The following NF1 variants were observed in gnomAD, a reference collection of about 807,000 sequenced individuals.
The protein encoded by NF1 is neurofibromin 1.
In NF1, 122 loss-of-function variants were observed where a neutral mutation model predicts 325.7. The ratio of observed to expected loss-of-function variants is 0.37; its 90% CI spans 0.32 to 0.44. The LOEUF (loss-of-function observed/expected upper bound fraction) is 0.44. Among genes scored for constraint, NF1 ranks in the 20% least tolerant of loss-of-function variants. NF1 has a pLI of 1.00. For synonymous variants in NF1, 1,091 were observed against 1,186.0 expected, an observed-to-expected ratio of 0.92 and a Z score of 1.65; for missense variants, 2,140 against 3,415.4, an observed-to-expected ratio of 0.63 and a Z score of 9.31.
rs1199539169 is a variant in NF1, at chr17:31,340,493, C to T, written c.6922-12C>T. The T allele has an allele frequency of 1.9e-6, 3 of 1,614,154 alleles. No individual in the cohort carries two copies. The highest frequency in any genetic ancestry group is 4.5e-5 in the East Asian group (2 of 44,884). On this transcript the variant is annotated splice_polypyrimidine_tract_variant and intron_variant, in intron 46 of 57. Transcript: ENST00000358273. ...TTCATCTTACTAGCCTCAAACATAT[C>T]TTCTTTGCCAGGACTCGCCTCTGCA...
At chr17:31,183,062 T>G (rs1048972231) in intron 8 of NF1, 1 of 421,422 alleles carries the variant, frequency 2.4e-6, no homozygotes, top group Admixed American at 3.9e-5. Context: ...ACTGAAATTA[T>G]CTAGTAACTC....
chr17:31,190,540 A>G (rs910566412), intron 8 of NF1, among the ~76,000 whole-genome samples: 2 of 152,230 alleles, frequency 1.3e-5, no homozygotes, highest in Non-Finnish European at 2.9e-5. Context: ...AGTATTAGGT[A>G]ACATTCTGTT....
At chr17:31,305,774 C>T in intron 36 of NF1, 2 of 711,240 alleles carry the variant, frequency 2.8e-6, no homozygotes, top group Non-Finnish European at 4.5e-6. Flanking sequence ...GTTATTATTC[C>T]TAATTTAGAC....
intron 18 of NF1, 57 bp downstream of exon 18, chr17:31,226,741 A>G: frequency 5.6e-6 from 9 of 1,607,318 alleles, no homozygotes; most frequent in Non-Finnish European, 7.6e-6. Context: ...ATGGCATCTG[A>G]TTTTGAGAAT....
intron 5 of NF1, among the ~76,000 whole-genome samples, chr17:31,174,844 C>T (rs976112781): frequency 6.6e-6 from 1 of 152,154 alleles, no homozygotes; most frequent in Non-Finnish European, 1.5e-5. Context: ...GGCACAGTGG[C>T]TCACACCTGT....
intron 5 of NF1, among the ~76,000 whole-genome samples, chr17:31,174,992 C>G (rs2065993438): frequency 6.6e-6 from 1 of 151,060 alleles, no homozygotes; most frequent in Non-Finnish European, 1.5e-5. Context: ...GCCTGTAATC[C>G]CAGCTACTGG....
In NF1 at chr17:31,264,366, G is replaced by C. The variant is rs17886346; in HGVS notation, c.4725-863G>C. Reference sequence around the variant, plus strand: ...GCAGAGGTTGCAGTGAGCCGAGATCGTGCCACTGCACTCCAGCCTGGTCAA... The same window carrying C: ...GCAGAGGTTGCAGTGAGCCGAGATCCTGCCACTGCACTCCAGCCTGGTCAA... On this transcript the variant is annotated intron_variant, in intron 35 of 57. Transcript: ENST00000358273. 3.1e-3 allele frequency among the ~76,000 whole-genome samples: 476 copies of C among 151,190 alleles called. 13 individuals carry two copies. In the East Asian group the frequency reaches 0.077, roughly 24 times the overall value.
chr17:31,160,172 A>G (rs1433330878), intron 3 of NF1, among the ~76,000 whole-genome samples: 1 of 152,084 alleles, frequency 6.6e-6, no homozygotes, highest in Admixed American at 6.5e-5. Flanking sequence ...TGCAACCTCC[A>G]CTTCCCGGGT....
At chr17:31,181,567 G>A in intron 6 of NF1, 78 bp downstream of exon 6, 1 of 1,416,376 alleles carries the variant, frequency 7.1e-7, no homozygotes, top group Non-Finnish European at 1.0e-6. Flanking sequence ...GAATCAAAAA[G>A]TTATGACTTG....
chr17:31,191,499 T>C (rs890692219), intron 8 of NF1, among the ~76,000 whole-genome samples: 2 of 152,130 alleles, frequency 1.3e-5, no homozygotes, highest in African/African-American at 4.8e-5. Context: ...AAAAATATTA[T>C]GCTAAGTGAA....
chr17:31,142,090 A>G (rs1457802967), intron 1 of NF1, among the ~76,000 whole-genome samples: 1 of 152,232 alleles, frequency 6.6e-6, no homozygotes, highest in African/African-American at 2.4e-5. Context: ...TTTCTAAGTG[A>G]AACTAGAAAC....
intron 1 of NF1, among the ~76,000 whole-genome samples, chr17:31,114,278 T>C (rs1364232457): frequency 1.3e-5 from 2 of 152,168 alleles, no homozygotes; most frequent in Non-Finnish European, 2.9e-5. Flanking sequence ...AAATCTTCAT[T>C]AATAAAGAAT....
Position 31,322,450 on chromosome 17 carries a change from T to C in NF1, c.4836-3370T>C, listed in dbSNP as rs958776014. Reference sequence around the variant, plus strand: ...ATCATGAGATCTTGGCTGCATGAGCTAAGATCATGCCACTGCACTCCAGCC... The same window carrying C: ...ATCATGAGATCTTGGCTGCATGAGCCAAGATCATGCCACTGCACTCCAGCC... On this transcript the variant is annotated intron_variant, in intron 36 of 57. Coordinates refer to ENST00000358273, the MANE Select transcript of NF1 (RefSeq NM_001042492.3). Among the ~76,000 whole-genome samples the C allele has an allele frequency of 3.2e-5, 4 of 124,980 alleles. No homozygotes were observed. In the Admixed American group the frequency reaches 4.3e-4, roughly 14 times the overall value. 82.0% of individuals were successfully genotyped at this position (124,980 alleles called of 152,430 possible).
At chr17:31,263,062 G>T (rs2067714413) in intron 35 of NF1, among the ~76,000 whole-genome samples, 1 of 148,336 alleles carries the variant, frequency 6.7e-6, no homozygotes, top group African/African-American at 2.5e-5. Context: ...TAGGTAGGTA[G>T]GTAGGTAGAT....
intron 29 of NF1, among the ~76,000 whole-genome samples, chr17:31,239,150 TTAAAA>T (rs781742076): frequency 1.3e-5 from 2 of 152,182 alleles, no homozygotes; most frequent in East Asian, 3.8e-4. Flanking sequence ...AACTGAGAGT[TTAAAA>T]TAACTAATAT....
At chr17:31,111,880 T>C (rs1308008650) in intron 1 of NF1, among the ~76,000 whole-genome samples, 2 of 152,198 alleles carry the variant, frequency 1.3e-5, no homozygotes, top group Non-Finnish European at 2.9e-5. Context: ...TTTTTATTGC[T>C]GTTTTTAGGA....
intron 11 of NF1, among the ~76,000 whole-genome samples, chr17:31,201,694 A>C (rs1042786304): frequency 6.6e-6 from 1 of 152,168 alleles, no homozygotes; most frequent in African/African-American, 2.4e-5. Context: ...GGACCATATT[A>C]AGGAAGATGG....
chr17:31,209,905 C>A (rs747246781), intron 12 of NF1, among the ~76,000 whole-genome samples: 45 of 152,206 alleles, frequency 3.0e-4, no homozygotes, highest in Non-Finnish European at 5.4e-4. Flanking sequence ...GCCTCAGTCT[C>A]CCAAAATGCA....
At chr17:31,308,403 A>G (rs1274522275) in intron 36 of NF1, among the ~76,000 whole-genome samples, 1 of 151,992 alleles carries the variant, frequency 6.6e-6, no homozygotes, top group African/African-American at 2.4e-5. Flanking sequence ...AGCCTCCCAA[A>G]ATGCTGGGAT....
Sources: allele counts gnomAD v4.1 joint callset (sites outside exome capture counted in the v4.1 genomes callset), GRCh38; gene constraint gnomAD v4.1.1; transcripts MANE v1.5; gene names NCBI Gene and HGNC (gene_info 2026-07-23, HGNC 2026-07-21).